Variants in DRC9 observed in about 807,000 individuals in gnomAD.
DRC9 encodes the protein dynein regulatory complex protein 9.
At chr3:197,921,280 C>G in the DRC9 span, among the ~76,000 whole-genome samples, 1 of 128,840 alleles carries the variant, frequency 7.8e-6, no homozygotes, top group Non-Finnish European at 1.5e-5. Context: ...CTGATTTCGT[C>G]TTGGTCGACC....
At chr3:197,919,353 G>A in the DRC9 span, among the ~76,000 whole-genome samples, 2,123 of 152,282 alleles carry the variant, frequency 0.014, 50 homozygotes, top group African/African-American at 0.048. Flanking sequence ...GTGCTATTCC[G>A]TGTCCTCTTC....
At chr3:197,897,860 T>A in the DRC9 span, among the ~76,000 whole-genome samples, 1 of 141,474 alleles carries the variant, frequency 7.1e-6, no homozygotes, top group Admixed American at 7.5e-5. Context: ...AAGCTCCGCC[T>A]CCCGGGTTCA....
the DRC9 span, among the ~76,000 whole-genome samples, chr3:197,924,428 A>G: frequency 6.6e-6 from 1 of 152,244 alleles, no homozygotes. Context: ...TCCAACGTCT[A>G]TGTAGGGAAT....
chr3:197,912,389 T>G, the DRC9 span: 1 of 258,028 alleles, frequency 3.9e-6, no homozygotes. Flanking sequence ...AGTCATAAAT[T>G]AAGTCATAAT....
At chr3:197,947,839 C>A in the DRC9 span, among the ~76,000 whole-genome samples, 1 of 152,006 alleles carries the variant, frequency 6.6e-6, no homozygotes, top group African/African-American at 2.4e-5. Context: ...GCAATTCTCT[C>A]CAAACGTCTC....
chr3:197,946,401 C>A, the DRC9 span, among the ~76,000 whole-genome samples: 1 of 146,062 alleles, frequency 6.8e-6, no homozygotes, highest in East Asian at 2.0e-4. Context: ...CGCCACTGCA[C>A]TCCAGCCTGG....
the DRC9 span, among the ~76,000 whole-genome samples, chr3:197,899,306 A>G: frequency 6.6e-6 from 1 of 152,264 alleles, no homozygotes; most frequent in African/African-American, 2.4e-5. Context: ...TATGTTTCAG[A>G]GCATAAAAAG....
chr3:197,891,880 CTTTT>C, the DRC9 span, among the ~76,000 whole-genome samples: 2 of 152,004 alleles, frequency 1.3e-5, no homozygotes, highest in Non-Finnish European at 1.5e-5. Context: ...AGTCAGCTGT[CTTTT>C]TTGTTTGTTT....
the DRC9 span, among the ~76,000 whole-genome samples, chr3:197,893,639 C>T: frequency 1.3e-5 from 2 of 150,376 alleles, no homozygotes; most frequent in African/African-American, 4.9e-5. Context: ...GTCAGGAGAT[C>T]GAGACCATCC....
At chr3:197,951,446 G>C in the DRC9 span, 4 of 949,224 alleles carry the variant, frequency 4.2e-6, no homozygotes, top group Non-Finnish European at 6.7e-6. Flanking sequence ...TCCGCCTCCC[G>C]GGTTCAAGCA....
chr3:197,901,130 C>T, the DRC9 span, among the ~76,000 whole-genome samples: 1 of 152,122 alleles, frequency 6.6e-6, no homozygotes, highest in Non-Finnish European at 1.5e-5. The surrounding 1 kb of genome is among the most constrained non-coding windows in gnomAD (Gnocchi z 4.4). Context: ...CTTGGAGTCC[C>T]CAGTTCAGGC....
At chr3:197,904,671 G>C in the DRC9 span, among the ~76,000 whole-genome samples, 1 of 152,006 alleles carries the variant, frequency 6.6e-6, no homozygotes, top group Non-Finnish European at 1.5e-5. Context: ...GAACAGCCTG[G>C]CCAATATGGA....
the DRC9 span, among the ~76,000 whole-genome samples, chr3:197,944,254 C>CTTTTTTTTTTTTTT: frequency 6.9e-6 from 1 of 144,084 alleles, no homozygotes; most frequent in African/African-American, 2.6e-5. Context: ...ACAACTTACT[C>CTTTTTTTTTTTTTT]TTTTTTTTTT....
At chr3:197,959,407 T>C in the DRC9 span, 3 of 152,220 alleles carry the variant, frequency 2.0e-5, no homozygotes, top group Non-Finnish European at 4.4e-5. Flanking sequence ...AGTGAGTATT[T>C]ACTTGTAAAA....
At chr3:197,898,307 T>C in the DRC9 span, among the ~76,000 whole-genome samples, 4 of 152,222 alleles carry the variant, frequency 2.6e-5, no homozygotes, top group East Asian at 5.8e-4. Flanking sequence ...ATGTAAGCAT[T>C]ATATATCAGA....
At chr3:197,900,530 C>T in the DRC9 span, among the ~76,000 whole-genome samples, 20 of 140,022 alleles carry the variant, frequency 1.4e-4, no homozygotes, top group Non-Finnish European at 2.4e-4. This position sits in a 1 kb window ranked among gnomAD's most constrained non-coding sequence, Gnocchi z 4.7. Flanking sequence ...GGGCACTCAG[C>T]AGAGGACACC....
chr3:197,941,272 A>C, the DRC9 span, among the ~76,000 whole-genome samples: 11 of 65,232 alleles, frequency 1.7e-4, no homozygotes, highest in East Asian at 5.3e-4. Flanking sequence ...CTCCCTTCCT[A>C]CCTTCCTCTC....
At chr3:197,909,525 A>C in the DRC9 span, among the ~76,000 whole-genome samples, 2 of 152,362 alleles carry the variant, frequency 1.3e-5, no homozygotes, top group South Asian at 4.1e-4. Flanking sequence ...AAAAACCTGG[A>C]AACAACCTAA....
chr3:197,918,089 T>C, the DRC9 span, among the ~76,000 whole-genome samples: 1 of 143,274 alleles, frequency 7.0e-6, no homozygotes, highest in African/African-American at 2.7e-5. Context: ...TGTATGGCAG[T>C]CAGTGAATCT....
Sources: allele counts gnomAD v4.1 joint callset (sites outside exome capture counted in the v4.1 genomes callset), GRCh38; gene constraint gnomAD v4.1.1; non-coding constraint Gnocchi (gnomAD v3.1); transcripts MANE v1.5; gene names NCBI Gene and HGNC (gene_info 2026-07-23, HGNC 2026-07-21).